SORCS2: variants seen among roughly 807,000 people sequenced by gnomAD.
SORCS2 encodes the protein VPS10 domain-containing receptor SorCS2.
In SORCS2, 100 loss-of-function variants were observed where a neutral mutation model predicts 141.6. The observed-to-expected ratio is 0.71, with a 90% CI of 0.60 to 0.83. SORCS2 has a LOEUF of 0.83. SORCS2 is among the 40% of genes least tolerant of loss of function. The probability of loss-of-function intolerance (pLI) is 0.00; values close to 1 mark genes in which losing one functional copy is unlikely to be tolerated. For missense variants in SORCS2, 1,646 were observed against 1,560.2 expected, an observed-to-expected ratio of 1.05 and a Z score of -0.93; for synonymous variants, 789 against 676.9, an observed-to-expected ratio of 1.17 and a Z score of -2.57.
chr4:7,264,657 C>T (rs534298777), intron 1 of SORCS2, among the ~76,000 whole-genome samples: 7 of 152,302 alleles, frequency 4.6e-5, no homozygotes, highest in East Asian at 3.9e-4. Context: ...TGAAACTAGG[C>T]GGAGCTCTTG....
chr4:7,576,195 CAGCTGAATTGCTGTTCCAGCAAAGACAA>C (rs1715740883), intron 3 of SORCS2, among the ~76,000 whole-genome samples: 1 of 152,206 alleles, frequency 6.6e-6, no homozygotes, highest in East Asian at 1.9e-4. Flanking sequence ...GCCATGTGCT[CAGCTGAATTGCTGTTCCAGCAAAGACAA>C]AGCCATGTTT....
intron 3 of SORCS2, among the ~76,000 whole-genome samples, chr4:7,587,605 C>G (rs1404887063): frequency 6.6e-6 from 1 of 152,202 alleles, no homozygotes; most frequent in African/African-American, 2.4e-5. Context: ...CCATAGAGAC[C>G]AGGCCACCTG....
intron 3 of SORCS2, among the ~76,000 whole-genome samples, chr4:7,601,854 T>C (rs1717709749): frequency 6.6e-6 from 1 of 152,102 alleles, no homozygotes; most frequent in South Asian, 2.1e-4. Context: ...TATGTGAGAT[T>C]AGGGAGCGGT....
intron 18 of SORCS2, among the ~76,000 whole-genome samples, chr4:7,719,642 G>A (rs1038368871): frequency 6.6e-5 from 10 of 152,200 alleles, no homozygotes; most frequent in African/African-American, 2.2e-4. Context: ...ATCTTGGGGC[G>A]GCAGGAGGAC....
Position 7,394,593 on chromosome 4 carries a change from G to T in SORCS2, c.481-1695G>T, listed in dbSNP as rs563236110. On this transcript the variant is annotated intron_variant, in intron 1 of 26. Transcript: ENST00000507866. ...GGCCCCAAATGCTGGGGTTTAGAAT[G>T]AGGGGGTGGACTGGTGGGGACTCTC... Among the ~76,000 whole-genome samples the T allele has an allele frequency of 4.6e-5, 7 of 152,086 alleles. No individual in the cohort carries two copies. In the East Asian group the frequency reaches 1.2e-3, roughly 25 times the overall value.
At chr4:7,262,457 T>C (rs1714426303) in intron 1 of SORCS2, among the ~76,000 whole-genome samples, 1 of 151,926 alleles carries the variant, frequency 6.6e-6, no homozygotes, top group African/African-American at 2.4e-5. Flanking sequence ...AGGCCACTGC[T>C]TAAGCACTGG....
chr4:7,740,636 A>G lies in SORCS2; in HGVS notation c.*372A>G, dbSNP rs1712596748. Reference sequence around the variant, plus strand: ...CAGTACCTCGGGCTGCAAGAGCTGCAGACCCGTTCAGACACTGCGTTGCGG... The same window carrying G: ...CAGTACCTCGGGCTGCAAGAGCTGCGGACCCGTTCAGACACTGCGTTGCGG... On this transcript the variant is annotated 3_prime_UTR_variant, in exon 27 of 27. Coordinates refer to ENST00000507866, the MANE Select transcript of SORCS2 (RefSeq NM_020777.3). 2 of 319,728 alleles carry G rather than the reference A, an allele frequency of 6.3e-6. No homozygotes were observed. Among genetic ancestry groups the G allele is most frequent in the East Asian group, 5.1e-5 (1 of 19,548 alleles). 19.8% of individuals were successfully genotyped at this position (319,728 alleles called of 1,614,324 possible). A position where few individuals can be genotyped will look rare whatever the true frequency, so the allele number is the denominator to read the frequency against.
At chr4:7,204,723 C>T (rs1259280926) in intron 1 of SORCS2, among the ~76,000 whole-genome samples, 2 of 152,154 alleles carry the variant, frequency 1.3e-5, no homozygotes, top group Non-Finnish European at 2.9e-5. Flanking sequence ...GTCACCTTTC[C>T]CTGTTCTGTT....
intron 1 of SORCS2, among the ~76,000 whole-genome samples, chr4:7,252,922 G>A (rs1713602204): frequency 6.6e-6 from 1 of 152,224 alleles, no homozygotes; most frequent in South Asian, 2.1e-4. Context: ...GGCTGGGTAC[G>A]TGGCGTTATC....
At chr4:7,487,019 G>A (rs572053080) in intron 2 of SORCS2, among the ~76,000 whole-genome samples, 139 of 152,314 alleles carry the variant, frequency 9.1e-4, no homozygotes, top group African/African-American at 3.1e-3. Flanking sequence ...GGCTGCATTT[G>A]CAGGCTGCCT....
chr4:7,371,850 T>C (rs28451313), intron 1 of SORCS2, among the ~76,000 whole-genome samples: 109,349 of 152,104 alleles, frequency 0.72, 39,629 homozygotes, highest in East Asian at 0.94. Flanking sequence ...CTTCGAGCCT[T>C]GGTTTCCACC....
chr4:7,740,281 G>C lies in SORCS2; in HGVS notation c.*17G>C, dbSNP rs774391523. On this transcript the variant is annotated 3_prime_UTR_variant, in exon 27 of 27. Coordinates refer to ENST00000507866, the MANE Select transcript of SORCS2 (RefSeq NM_020777.3). ...GTGAGCTGATGCCACCCCAGCATCT[G>C]TCTTTTCACCCACGGAGGGCACAGA... 1 of 1,607,140 alleles carries C rather than the reference G, an allele frequency of 6.2e-7. No individual in the cohort carries two copies. Among genetic ancestry groups the C allele is most frequent in the Admixed American group, 1.7e-5 (1 of 59,872 alleles).
At chr4:7,366,616 C>T (rs975967094) in intron 1 of SORCS2, among the ~76,000 whole-genome samples, 18 of 152,034 alleles carry the variant, frequency 1.2e-4, no homozygotes, top group Non-Finnish European at 1.8e-4. Flanking sequence ...CTGGAACCTC[C>T]TCCTCCAGCC....
intron 1 of SORCS2, among the ~76,000 whole-genome samples, chr4:7,325,124 G>A (rs1719164768): frequency 6.6e-6 from 1 of 152,208 alleles, no homozygotes; most frequent in Non-Finnish European, 1.5e-5. Flanking sequence ...AGGTCCCCAG[G>A]CCCCCTTGGG....
chr4:7,405,169 C>T (rs13104264), intron 2 of SORCS2, among the ~76,000 whole-genome samples: 23,205 of 151,886 alleles, frequency 0.15, 1,910 homozygotes, highest in Non-Finnish European at 0.18. Flanking sequence ...GCTGTAAATA[C>T]GTGGCTTTAT....
At chr4:7,733,793 T>C (rs987326812) in intron 24 of SORCS2, among the ~76,000 whole-genome samples, 5 of 152,182 alleles carry the variant, frequency 3.3e-5, no homozygotes, top group Non-Finnish European at 4.4e-5. Context: ...ACTCGGCAGG[T>C]TCGCCCCACA....
At chr4:7,518,236 G>GAA (rs1733108999) in intron 2 of SORCS2, among the ~76,000 whole-genome samples, 1 of 152,218 alleles carries the variant, frequency 6.6e-6, no homozygotes, top group African/African-American at 2.4e-5. Flanking sequence ...TTGATCGTAT[G>GAA]TGGATTGCTA....
intron 3 of SORCS2, among the ~76,000 whole-genome samples, chr4:7,617,867 A>C (rs780580977): frequency 6.6e-6 from 1 of 152,114 alleles, no homozygotes; most frequent in Non-Finnish European, 1.5e-5. Context: ...TGAGCCGCCT[A>C]CCGGTGCCGC....
chr4:7,216,244 CA>C (rs1156813270), intron 1 of SORCS2, among the ~76,000 whole-genome samples: 1 of 152,162 alleles, frequency 6.6e-6, no homozygotes, highest in Non-Finnish European at 1.5e-5. Flanking sequence ...ATTCCGGACA[CA>C]AAAGCAGCAG....
Sources: allele counts gnomAD v4.1 joint callset (sites outside exome capture counted in the v4.1 genomes callset), GRCh38; gene constraint gnomAD v4.1.1; transcripts MANE v1.5; gene names NCBI Gene and HGNC (gene_info 2026-07-23, HGNC 2026-07-21).